GABRG3: variants seen among roughly 807,000 people sequenced by gnomAD.
GABRG3 encodes gamma-aminobutyric acid receptor subunit gamma-3.
Under a neutral mutation model 48.8 loss-of-function variants are expected in GABRG3, and 25 were observed. That is an observed-to-expected ratio of 0.51 (90% CI 0.37 to 0.72). The LOEUF (loss-of-function observed/expected upper bound fraction) is 0.72. Among genes scored for constraint, GABRG3 ranks in the 30% least tolerant of loss-of-function variants. The pLI is 0.00. For synonymous variants in GABRG3, 227 were observed against 217.6 expected (o/e 1.04, Z -0.38); for missense variants, 394 against 577.9 (o/e 0.68, Z 3.26).
chr15:27,518,195 C>CAAAAAAAAAA lies in GABRG3; in HGVS notation c.713-1765_713-1756dup, dbSNP rs58222645. On this transcript the variant is annotated intron_variant, in intron 6 of 9. Transcript: ENST00000615808. ...TGAAACCCCAACTCTACTAAAAATA[C>CAAAAAAAAAA]AAAAAAAAAAAAAAAAAAAAAGAAT... 2.1e-3 allele frequency among the ~76,000 whole-genome samples: 188 copies of CAAAAAAAAAA among 87,974 alleles called. 1 individual carries two copies. Among genetic ancestry groups the CAAAAAAAAAA allele is most frequent in the African/African-American group, 5.9e-3 (139 of 23,442 alleles). The allele number at this position is 87,974 out of a possible 152,430, so 57.7% of individuals were successfully genotyped here.
rs200824966 is a variant in GABRG3 at position 26,976,991 on chromosome 15, T to G, written c.54-11T>G. Reference sequence around the variant, plus strand: ...CCACTTATATGTCGCATTTTTGTGCTGTAACTCCAGGTCCAGAAAGGTGGA... The same window carrying G: ...CCACTTATATGTCGCATTTTTGTGCGGTAACTCCAGGTCCAGAAAGGTGGA... On this transcript the variant is annotated splice_polypyrimidine_tract_variant and intron_variant, in intron 1 of 9. Coordinates refer to ENST00000615808, the MANE Select transcript of GABRG3 (RefSeq NM_033223.5). This position sits in a 1 kb window ranked among gnomAD's most constrained non-coding sequence, Gnocchi z 7.8. 8 of 1,613,880 alleles carry G rather than the reference T, an allele frequency of 5.0e-6. No individual in the cohort carries two copies. Among genetic ancestry groups the G allele is most frequent in the South Asian group, 1.1e-5 (1 of 91,072 alleles).
chr15:27,309,017 TTATA>T (rs1171708410), intron 3 of GABRG3, among the ~76,000 whole-genome samples: 1 of 150,550 alleles, frequency 6.6e-6, no homozygotes, highest in African/African-American at 2.4e-5. Flanking sequence ...AAATATATGT[TTATA>T]TAGAAACATA....
At chr15:27,302,451 T>C (rs1003627563) in intron 3 of GABRG3, among the ~76,000 whole-genome samples, 2 of 152,038 alleles carry the variant, frequency 1.3e-5, no homozygotes, top group African/African-American at 2.4e-5. Context: ...GAGTTCTAAA[T>C]ACATATGCAT....
At chr15:27,512,452 TA>T (rs1403679918) in intron 6 of GABRG3, among the ~76,000 whole-genome samples, 1 of 152,178 alleles carries the variant, frequency 6.6e-6, no homozygotes, top group African/African-American at 2.4e-5. Context: ...AGCTGCTTGT[TA>T]CAGAGCAGGA....
chr15:27,318,059 G>A (rs1038937185), intron 3 of GABRG3, among the ~76,000 whole-genome samples: 1 of 152,130 alleles, frequency 6.6e-6, no homozygotes, highest in African/African-American at 2.4e-5. Context: ...CTCCTGTAAC[G>A]CAGCTGCTAC....
chr15:27,517,785 A>C (rs1409320932), intron 6 of GABRG3, among the ~76,000 whole-genome samples: 1 of 152,194 alleles, frequency 6.6e-6, no homozygotes, highest in Non-Finnish European at 1.5e-5. Context: ...TCCTTAGGAA[A>C]TGATGTAATT....
intron 5 of GABRG3, among the ~76,000 whole-genome samples, chr15:27,458,151 C>A (rs1889340587): frequency 6.6e-6 from 1 of 152,182 alleles, no homozygotes; most frequent in African/African-American, 2.4e-5. Context: ...CACACACATC[C>A]AGGCCGCATC....
At position 26,976,974 on chromosome 15, in the gene GABRG3, A is replaced by C. The variant is rs1454446811; in HGVS notation, c.54-28A>C. 6 of 1,613,612 alleles carry C rather than the reference A, an allele frequency of 3.7e-6. No homozygotes were observed. Among genetic ancestry groups the C allele is most frequent in the Non-Finnish European group, 3.4e-6 (4 of 1,179,716 alleles). On this transcript the variant is annotated intron_variant, in intron 1 of 9. Coordinates refer to ENST00000615808, the MANE Select transcript of GABRG3 (RefSeq NM_033223.5). This position sits in a 1 kb window ranked among gnomAD's most constrained non-coding sequence, Gnocchi z 7.8. Reference sequence around the variant, plus strand: ...TCCTAGAGCCATTGCTGCCACTTATATGTCGCATTTTTGTGCTGTAACTCC... The same window carrying C: ...TCCTAGAGCCATTGCTGCCACTTATCTGTCGCATTTTTGTGCTGTAACTCC...
chr15:27,306,145 TATATA>T (rs1268082645), intron 3 of GABRG3, among the ~76,000 whole-genome samples: 5 of 126,108 alleles, frequency 4.0e-5, no homozygotes, highest in South Asian at 2.4e-4. Flanking sequence ...TATATAAACA[TATATA>T]ATATAAACCT....
chr15:27,082,424 A>T (rs1897006550), intron 3 of GABRG3, among the ~76,000 whole-genome samples: 1 of 152,242 alleles, frequency 6.6e-6, no homozygotes, highest in Non-Finnish European at 1.5e-5. Context: ...GACATTCATC[A>T]GCATTCATAG....
intron 3 of GABRG3, among the ~76,000 whole-genome samples, chr15:27,276,828 C>T (rs994908809): frequency 4.6e-5 from 7 of 152,066 alleles, no homozygotes; most frequent in Admixed American, 3.9e-4. Context: ...TTGTGAGACA[C>T]GTATTTTATG....
At chr15:27,008,462 G>T (rs776965498) in intron 2 of GABRG3, among the ~76,000 whole-genome samples, 2 of 152,118 alleles carry the variant, frequency 1.3e-5, no homozygotes, top group Non-Finnish European at 2.9e-5. Flanking sequence ...AATATAGATG[G>T]GATAGGAATC....
intron 3 of GABRG3, among the ~76,000 whole-genome samples, chr15:27,072,203 GC>G: frequency 6.6e-6 from 1 of 152,128 alleles, no homozygotes; most frequent in Non-Finnish European, 1.5e-5. Context: ...GAAAACTCAA[GC>G]CTGCAAGGAA....
intron 3 of GABRG3, among the ~76,000 whole-genome samples, chr15:27,209,866 G>A (rs1250338723): frequency 6.6e-6 from 1 of 152,232 alleles, no homozygotes; most frequent in Non-Finnish European, 1.5e-5. Flanking sequence ...TTGGCCTGCA[G>A]ACAGCCACCT....
At chr15:27,277,470 C>A (rs2140477424) in intron 3 of GABRG3, among the ~76,000 whole-genome samples, 1 of 152,290 alleles carries the variant, frequency 6.6e-6, no homozygotes, top group East Asian at 1.9e-4. Flanking sequence ...ACCTTAAATT[C>A]TTTGATGACT....
chr15:27,302,204 A>T (rs955844733), intron 3 of GABRG3, among the ~76,000 whole-genome samples: 2 of 152,130 alleles, frequency 1.3e-5, no homozygotes, highest in African/African-American at 4.8e-5. Flanking sequence ...AATACATAAA[A>T]GTGTCTGATA....
chr15:27,004,100 G>A (rs1292278391), intron 2 of GABRG3, among the ~76,000 whole-genome samples: 1 of 150,332 alleles, frequency 6.7e-6, no homozygotes, highest in Non-Finnish European at 1.5e-5. Flanking sequence ...CTCCCTCCCG[G>A]ACGGGGCGGC....
At chr15:27,526,756 A>G (rs1218828278) in intron 7 of GABRG3, among the ~76,000 whole-genome samples, 2 of 152,188 alleles carry the variant, frequency 1.3e-5, no homozygotes, top group Non-Finnish European at 2.9e-5. Flanking sequence ...TTACCAATTA[A>G]TTGATTCATT....
chr15:27,331,534 A>G (rs1302533817), intron 5 of GABRG3, among the ~76,000 whole-genome samples: 2 of 152,228 alleles, frequency 1.3e-5, no homozygotes, highest in Non-Finnish European at 2.9e-5. Context: ...ATATTCTGGA[A>G]AAGGCAAAAC....
Sources: gnomAD v4.1 joint callset for allele counts (sites outside exome capture counted in the v4.1 genomes callset) on GRCh38, gnomAD v4.1.1 for gene constraint, Gnocchi (gnomAD v3.1) non-coding constraint, MANE v1.5 for transcripts, NCBI Gene and HGNC (gene_info 2026-07-23, HGNC 2026-07-21) for gene names.